Variants in BCL11A observed in about 807,000 individuals in gnomAD.
BCL11A encodes B cell CLL/lymphoma 11A.
BCL11A carries 2 observed loss-of-function variants against 55.9 expected under a neutral mutation model. The ratio of observed to expected loss-of-function variants is 0.04; its 90% confidence interval spans 0.01 to 0.11. The LOEUF is 0.11. Ranked by LOEUF, BCL11A falls within the 10% of genes least tolerant of loss-of-function variation. The pLI, the probability that BCL11A is intolerant of heterozygous loss-of-function variation, is 1.00. For missense variants in BCL11A, 817 were observed against 1,137.1 expected (o/e 0.72, Z 4.05); for synonymous variants, 465 against 473.4 (o/e 0.98, Z 0.23).
Position 60,539,535 on chromosome 2 carries a change from A to G in BCL11A, c.385+6436T>C, listed in dbSNP as rs140887372. Among the ~76,000 whole-genome samples, 656 of 152,374 alleles carry G rather than the reference A, an allele frequency of 4.3e-3. 5 individuals carry two copies. The highest frequency in any genetic ancestry group is 0.014 in the African/African-American group (584 of 41,596). On this transcript the variant is annotated intron_variant, in intron 2 of 3. Coordinates refer to ENST00000642384, the MANE Select transcript of BCL11A (RefSeq NM_022893.4). ...CAGCTGGCCAGTAAAAAGCAGGGAG[A>G]CAAATTCCAATGAACCCAATATGGA...
At chr2:60,468,023 G>C (rs892208927) in intron 3 of BCL11A, among the ~76,000 whole-genome samples, 1 of 66,714 alleles carries the variant, frequency 1.5e-5, no homozygotes, top group African/African-American at 6.0e-5. Context: ...GGTGGTGGTG[G>C]TAGTGGTGGT....
At chr2:60,552,932 GAAAT>G (rs1670482369) in intron 1 of BCL11A, among the ~76,000 whole-genome samples, 1 of 151,810 alleles carries the variant, frequency 6.6e-6, no homozygotes, top group Non-Finnish European at 1.5e-5. Flanking sequence ...TTCGAAAAGA[GAAAT>G]AAAGCGGCGG....
At chr2:60,524,191 G>A (rs191801791) in intron 2 of BCL11A, among the ~76,000 whole-genome samples, 5 of 152,256 alleles carry the variant, frequency 3.3e-5, no homozygotes, top group East Asian at 3.9e-4. Flanking sequence ...CTGTCCTAGC[G>A]GCAGCTTCCT....
intron 2 of BCL11A, among the ~76,000 whole-genome samples, chr2:60,490,958 T>C (rs1423446699): frequency 2.0e-5 from 3 of 149,004 alleles, no homozygotes; most frequent in African/African-American, 7.4e-5. Context: ...AAAAAGCAAG[T>C]TGCAGTAACA....
chr2:60,500,499 G>A (rs990402357), intron 2 of BCL11A, among the ~76,000 whole-genome samples: 2 of 152,158 alleles, frequency 1.3e-5, no homozygotes, highest in African/African-American at 2.4e-5. Context: ...CAAGAGCCAG[G>A]GAAGGAAGGA....
In BCL11A at chr2:60,462,365, A is replaced by G. The variant is rs1283810151; in HGVS notation, c.547T>C (p.Trp183Arg). Reference sequence around the variant, plus strand: ...TTCTGTGCGTGTTGCAAGAGAAACCATGCACTGGTGAATGGCTGTTTGCAA... The same window carrying G: ...TTCTGTGCGTGTTGCAAGAGAAACCGTGCACTGGTGAATGGCTGTTTGCAA... ...TTCKQPFTSAWFLLQHAQNTH... is the reference protein window; with the variant it reads ...TTCKQPFTSARFLLQHAQNTH... Residue 183 changes from tryptophan to arginine, a missense_variant, in exon 4 of 4, where the codon TGG (tryptophan) becomes CGG (arginine). Coordinates refer to ENST00000642384, the MANE Select transcript of BCL11A (RefSeq NM_022893.4). 6.2e-7 allele frequency: 1 copy of G among 1,613,696 alleles called. No individual in the cohort carries two copies.
intron 1 of BCL11A, among the ~76,000 whole-genome samples, chr2:60,549,075 T>C (rs567063289): frequency 6.6e-6 from 1 of 152,192 alleles, no homozygotes; most frequent in African/African-American, 2.4e-5. Context: ...GAGTCCTCGA[T>C]TGAAGTGGAA....
At chr2:60,552,723 T>TC (rs1670471688) in intron 1 of BCL11A, among the ~76,000 whole-genome samples, 2 of 152,048 alleles carry the variant, frequency 1.3e-5, no homozygotes, top group South Asian at 2.1e-4. Flanking sequence ...TCACCTCTTT[T>TC]CTCCCCGGGA....
intron 2 of BCL11A, chr2:60,525,913 T>G (rs531672882): frequency 6.6e-6 from 1 of 152,350 alleles, no homozygotes; most frequent in African/African-American, 2.4e-5. Flanking sequence ...CCTTTACTAA[T>G]TTTTATGTTA....
intron 2 of BCL11A, among the ~76,000 whole-genome samples, chr2:60,487,410 G>A (rs904319297): frequency 4.6e-5 from 7 of 152,082 alleles, no homozygotes; most frequent in Non-Finnish European, 8.8e-5. Context: ...TTACGTTTTC[G>A]TCATCTGTAT....
chr2:60,504,530 A>C (rs1259800621), intron 2 of BCL11A, among the ~76,000 whole-genome samples: 1 of 151,058 alleles, frequency 6.6e-6, no homozygotes, highest in Non-Finnish European at 1.5e-5. Context: ...GTGGGAGCTC[A>C]GCATCGGGAC....
intron 2 of BCL11A, among the ~76,000 whole-genome samples, chr2:60,472,448 T>C (rs1368259825): frequency 6.6e-6 from 1 of 152,246 alleles, no homozygotes; most frequent in Non-Finnish European, 1.5e-5. Flanking sequence ...CATAAAGGTC[T>C]CTCTAGACCC....
chr2:60,540,062 A>G (rs926179817), intron 2 of BCL11A, among the ~76,000 whole-genome samples: 5 of 152,188 alleles, frequency 3.3e-5, no homozygotes, highest in African/African-American at 1.2e-4. Context: ...CATTAATGTC[A>G]TCCAAATTGA....
Position 60,460,337 on chromosome 2 carries a change from G to A in BCL11A, c.*67C>T. 2 of 1,531,106 alleles carry A rather than the reference G, an allele frequency of 1.3e-6. No individual in the cohort carries two copies. The highest frequency in any genetic ancestry group is 8.8e-7 in the Non-Finnish European group (1 of 1,136,036). 94.8% of individuals were successfully genotyped at this position (1,531,106 alleles called of 1,614,324 possible). On this transcript the variant is annotated 3_prime_UTR_variant, in exon 4 of 4. Transcript: ENST00000642384. ...CCTACAGGGAGTGGGGCTGGAGGGC[G>A]ATGGGGAAGGGGAGTGGTGAAAAAG...
At position 60,461,470 on chromosome 2, in the gene BCL11A, T is replaced by C; in HGVS notation, c.1442A>G (p.Glu481Gly). The change falls in exon 4 of 4, where the codon GAG becomes GGG. Residue 481 changes from glutamate (E) to glycine (G), a missense_variant. Glu to Gly is a moderately conservative substitution (Grantham distance 98, BLOSUM62 -2). This residue lies in a region of BCL11A where 379 missense variants were observed against 425.3 expected (regional missense o/e 0.89). Transcript: ENST00000642384. The part of the protein sequence containing the change: ...KSENDPNLIP[E>G]NGDEEEEEDD... ...CTCCTCTTCCTCCTCGTCCCCGTTC[T>C]CCGGGATCAGGTTGGGGTCGTTCTC... 1 of 1,604,790 alleles carries C rather than the reference T, an allele frequency of 6.2e-7. No individual in the cohort carries two copies. The highest frequency in any genetic ancestry group is 8.5e-7 in the Non-Finnish European group (1 of 1,179,748).
intron 2 of BCL11A, among the ~76,000 whole-genome samples, chr2:60,539,138 A>G (rs1209138258): frequency 1.3e-5 from 2 of 152,328 alleles, no homozygotes; most frequent in East Asian, 1.9e-4. Context: ...CTAAGTTTAT[A>G]CAATTCCCCA....
intron 2 of BCL11A, among the ~76,000 whole-genome samples, chr2:60,488,929 T>C (rs565925440): frequency 6.6e-5 from 10 of 152,250 alleles, no homozygotes; most frequent in Non-Finnish European, 8.8e-5. Flanking sequence ...GCGGCTAATT[T>C]CTGTATTTTT....
Position 60,468,833 on chromosome 2 carries a change from T to C in BCL11A, c.386A>G (p.Asp129Gly). Residue 129 changes from aspartate (D) to glycine (G), a missense_variant and splice_region_variant, in exon 3 of 4, where the codon GAT (aspartate) becomes GGT (glycine). Coordinates refer to ENST00000642384, the MANE Select transcript of BCL11A (RefSeq NM_022893.4). ...GICPKQEHIA[D>G]KLLHWRGLSS... is the part of the protein sequence containing the mutation. Reference sequence around the variant, plus strand: ...GAGGCCCCTCCAGTGCAGAAGTTTATCTGTGAAAGAAACCCAAAATCAAGC... The same window carrying C: ...GAGGCCCCTCCAGTGCAGAAGTTTACCTGTGAAAGAAACCCAAAATCAAGC... 4 of 1,603,684 alleles carry C rather than the reference T, an allele frequency of 2.5e-6. No individual in the cohort carries two copies. Among genetic ancestry groups the C allele is most frequent in the Non-Finnish European group, 3.4e-6 (4 of 1,176,180 alleles).
intron 2 of BCL11A, among the ~76,000 whole-genome samples, chr2:60,505,442 C>CTGATGAGG (rs1679532916): frequency 1.3e-5 from 2 of 152,210 alleles, no homozygotes; most frequent in Non-Finnish European, 2.9e-5. Context: ...AGGTAGTCAG[C>CTGATGAGG]CGAGTGAGGC....
Sources: gnomAD v4.1 joint callset for allele counts (sites outside exome capture counted in the v4.1 genomes callset) on GRCh38, gnomAD v4.1.1 for gene constraint, gnomAD v4.1.1 regional missense constraint, MANE v1.5 for transcripts, NCBI Gene and HGNC (gene_info 2026-07-23, HGNC 2026-07-21) for gene names.